Variants in PDE1A observed in about 807,000 individuals in gnomAD.
PDE1A encodes the protein dual specificity calcium/calmodulin-dependent 3',5'-cyclic nucleotide phosphodiesterase 1A.
PDE1A carries 35 observed loss-of-function variants against 61.7 expected under a neutral mutation model. That is an observed-to-expected ratio of 0.57 (90% CI 0.43 to 0.75). The LOEUF (loss-of-function observed/expected upper bound fraction) is 0.75. PDE1A is among the 30% of genes least tolerant of loss of function. The pLI, the probability that PDE1A is intolerant of heterozygous loss-of-function variation, is 0.00. For synonymous variants in PDE1A, 232 were observed against 213.2 expected (o/e 1.09, Z -0.77); for missense variants, 597 against 630.6 (o/e 0.95, Z 0.57).
At chr2:182,262,427 G>C (rs1052837449) in intron 2 of PDE1A, among the ~76,000 whole-genome samples, 3 of 151,966 alleles carry the variant, frequency 2.0e-5, no homozygotes, top group East Asian at 1.9e-4. Context: ...CACAATGCCT[G>C]GCTAATTTTT....
chr2:182,169,902 ACACACACACACACACACACG>A (rs1291760743), intron 13 of PDE1A, among the ~76,000 whole-genome samples: 36 of 73,960 alleles, frequency 4.9e-4, no homozygotes, highest in African/African-American at 1.6e-3. Flanking sequence ...ACACACACAC[ACACACACACACACACACACG>A]CACACACACA....
At chr2:182,688,500 GC>G in the PDE1A span, among the ~76,000 whole-genome samples, 1 of 152,118 alleles carries the variant, frequency 6.6e-6, no homozygotes, top group Non-Finnish European at 1.5e-5. Flanking sequence ...TCACCACTAG[GC>G]CTACCCTACA....
chr2:182,428,529 G>A (rs1181909604), upstream of PDE1A, among the ~76,000 whole-genome samples: 1 of 152,066 alleles, frequency 6.6e-6, no homozygotes, highest in Non-Finnish European at 1.5e-5. Context: ...TGATCAATAA[G>A]TACCAATGAT....
intron 1 of PDE1A, among the ~76,000 whole-genome samples, chr2:182,416,493 C>A (rs1054312361): frequency 6.6e-6 from 1 of 152,166 alleles, no homozygotes; most frequent in Non-Finnish European, 1.5e-5. Flanking sequence ...AAACTCACAT[C>A]ATCACAGTTA....
intron 2 of PDE1A, among the ~76,000 whole-genome samples, chr2:182,511,326 C>T (rs1461289629): frequency 6.6e-6 from 1 of 151,896 alleles, no homozygotes; most frequent in Non-Finnish European, 1.5e-5. Context: ...AGACCCTGAG[C>T]TGAAGAGAAA....
chr2:182,691,478 T>C, the PDE1A span, among the ~76,000 whole-genome samples: 3 of 152,214 alleles, frequency 2.0e-5, no homozygotes, highest in Non-Finnish European at 4.4e-5. Flanking sequence ...GCTAGCCATA[T>C]GTAGAAAGCT....
At chr2:182,710,699 T>A in the PDE1A span, among the ~76,000 whole-genome samples, 1 of 152,380 alleles carries the variant, frequency 6.6e-6, no homozygotes, top group South Asian at 2.1e-4. Context: ...CCTTCTTTTT[T>A]ATGGCTGAAT....
At chr2:182,558,349 GT>G in the PDE1A span, among the ~76,000 whole-genome samples, 2 of 151,702 alleles carry the variant, frequency 1.3e-5, no homozygotes, top group Non-Finnish European at 2.9e-5. Context: ...TAAAAAATAA[GT>G]TGATCTTCCC....
chr2:182,179,654 C>T (rs952427634), intron 13 of PDE1A, among the ~76,000 whole-genome samples: 8 of 151,920 alleles, frequency 5.3e-5, no homozygotes, highest in African/African-American at 1.9e-4. Context: ...TCCTTCTTCC[C>T]TTCTCCTCCT....
intron 2 of PDE1A, among the ~76,000 whole-genome samples, chr2:182,448,126 T>G (rs1685263094): frequency 6.6e-6 from 1 of 152,130 alleles, no homozygotes; most frequent in African/African-American, 2.4e-5. Flanking sequence ...AAACTTCTTT[T>G]AATTTGCAAG....
At chr2:182,303,313 C>T (rs528480022) in intron 1 of PDE1A, among the ~76,000 whole-genome samples, 2 of 152,192 alleles carry the variant, frequency 1.3e-5, no homozygotes, top group South Asian at 2.1e-4. Context: ...GCAGAATGGA[C>T]GTTTTGTTAG....
At chr2:182,679,798 C>A in the PDE1A span, among the ~76,000 whole-genome samples, 3 of 151,964 alleles carry the variant, frequency 2.0e-5, no homozygotes, top group African/African-American at 7.3e-5. Flanking sequence ...AAATAATCAA[C>A]AACTTTTTTC....
chr2:182,344,733 C>G (rs62190183), intron 1 of PDE1A, among the ~76,000 whole-genome samples: 4 of 33,590 alleles, frequency 1.2e-4, no homozygotes, highest in Non-Finnish European at 3.5e-4. Context: ...CTCTCTGTCT[C>G]TCTGTCTCTC....
At chr2:182,463,200 C>T (rs1390130362) in intron 2 of PDE1A, among the ~76,000 whole-genome samples, 1 of 151,750 alleles carries the variant, frequency 6.6e-6, no homozygotes, top group African/African-American at 2.4e-5. Flanking sequence ...GAGTGCGCCA[C>T]TGCACTCCAG....
intron 1 of PDE1A, among the ~76,000 whole-genome samples, chr2:182,324,527 T>A (rs1308651118): frequency 6.6e-6 from 1 of 152,142 alleles, no homozygotes; most frequent in African/African-American, 2.4e-5. Context: ...ACCTTCTATG[T>A]AATCTTAAAT....
At chr2:182,265,266 A>G (rs192411813) in intron 1 of PDE1A, among the ~76,000 whole-genome samples, 2 of 152,166 alleles carry the variant, frequency 1.3e-5, no homozygotes, top group Non-Finnish European at 2.9e-5. Context: ...TAAATAAATA[A>G]AAAATTAAGA....
chr2:182,330,291 C>T (rs1329601975), intron 1 of PDE1A, among the ~76,000 whole-genome samples: 1 of 151,198 alleles, frequency 6.6e-6, no homozygotes, highest in Non-Finnish European at 1.5e-5. Context: ...TTGCAGTGAG[C>T]CAAGATCATG....
intron 2 of PDE1A, among the ~76,000 whole-genome samples, chr2:182,434,531 A>G (rs1395063105): frequency 1.3e-5 from 2 of 152,044 alleles, no homozygotes; most frequent in Non-Finnish European, 2.9e-5. Flanking sequence ...AAGCTAACTG[A>G]AAATGAAGCC....
the PDE1A span, among the ~76,000 whole-genome samples, chr2:182,625,008 C>G: frequency 1.3e-5 from 2 of 151,872 alleles, no homozygotes; most frequent in Non-Finnish European, 2.9e-5. Flanking sequence ...AAAAGTGGAG[C>G]CTTTGGGAGG....
Sources: gnomAD v4.1 joint callset for allele counts (sites outside exome capture counted in the v4.1 genomes callset) on GRCh38, gnomAD v4.1.1 for gene constraint, MANE v1.5 for transcripts, NCBI Gene and HGNC (gene_info 2026-07-23, HGNC 2026-07-21) for gene names.